Variants in POLA1 observed in about 807,000 individuals in gnomAD.
The protein encoded by POLA1 is DNA polymerase alpha catalytic subunit.
POLA1 carries 15 observed loss-of-function variants against 124.0 expected under a neutral mutation model. The observed-to-expected ratio is 0.12, with a 90% CI of 0.08 to 0.19. The LOEUF (loss-of-function observed/expected upper bound fraction) is 0.19. Ranked by LOEUF, POLA1 falls within the 10% of genes least tolerant of loss-of-function variation. POLA1 has a pLI of 1.00. For synonymous variants in POLA1, 408 were observed against 389.4 expected (o/e 1.05, Z -0.56); for missense variants, 886 against 1,103.4 (o/e 0.80, Z 2.79).
At chrX:24,950,629 C>T (rs2048024049) in intron 36 of POLA1, among the ~76,000 whole-genome samples, 2 of 111,961 alleles carry the variant, frequency 1.8e-5, no homozygotes, top group Admixed American at 1.9e-4. Context: ...GATTGCCTTC[C>T]ATAAAGATTT....
intron 31 of POLA1, among the ~76,000 whole-genome samples, chrX:24,823,731 T>C (rs2046127823): frequency 8.9e-6 from 1 of 112,457 alleles, no homozygotes; most frequent in Non-Finnish European, 1.9e-5. Context: ...AAGAGGACTG[T>C]TTGCTGCCTT....
intron 32 of POLA1, among the ~76,000 whole-genome samples, chrX:24,840,034 A>G: frequency 8.9e-6 from 1 of 112,303 alleles, no homozygotes; most frequent in Non-Finnish European, 1.9e-5. Context: ...GGTAACTTGT[A>G]AAATAAGAAT....
chrX:24,873,803 A>T (rs968526354), intron 34 of POLA1, among the ~76,000 whole-genome samples: 9 of 112,085 alleles, frequency 8.0e-5, no homozygotes, highest in Non-Finnish European at 1.7e-4. Flanking sequence ...TTTAAAATTT[A>T]AAAAATTTTA....
chrX:24,696,371 C>G (rs1208469147), intron 1 of POLA1, among the ~76,000 whole-genome samples: 1 of 112,141 alleles, frequency 8.9e-6, no homozygotes, highest in Non-Finnish European at 1.9e-5. Context: ...GAGGTCATTG[C>G]CAACCACGAG....
chrX:24,746,931 G>C (rs996357349), intron 24 of POLA1, among the ~76,000 whole-genome samples: 1 of 111,665 alleles, frequency 9.0e-6, no homozygotes, highest in African/African-American at 3.3e-5. Flanking sequence ...CTTTGTAGCT[G>C]TTAATAGAAT....
chrX:24,711,898 C>A (rs1277969294), intron 4 of POLA1, among the ~76,000 whole-genome samples: 1 of 111,049 alleles, frequency 9.0e-6, no homozygotes, highest in African/African-American at 3.3e-5. Flanking sequence ...ACGCCCAGCC[C>A]ACTACACATA....
chrX:24,884,693 A>T (rs1257016401), intron 34 of POLA1, among the ~76,000 whole-genome samples: 1 of 111,833 alleles, frequency 8.9e-6, no homozygotes, highest in Non-Finnish European at 1.9e-5. Flanking sequence ...GGCTTCTAAT[A>T]TTTTTTTCAG....
intron 35 of POLA1, among the ~76,000 whole-genome samples, chrX:24,907,324 A>T (rs1199662397): frequency 9.0e-6 from 1 of 111,518 alleles, no homozygotes; most frequent in East Asian, 2.8e-4. Context: ...CAAGGAAAGA[A>T]GGACCATAGG....
intron 26 of POLA1, among the ~76,000 whole-genome samples, chrX:24,774,711 A>G (rs766571515): frequency 2.1e-4 from 24 of 112,715 alleles, no homozygotes; most frequent in South Asian, 1.5e-3. Context: ...TAGCTTCAAA[A>G]TAAAGTTAGA....
At chrX:24,928,275 T>C (rs899167382) in intron 35 of POLA1, among the ~76,000 whole-genome samples, 13 of 111,922 alleles carry the variant, frequency 1.2e-4, no homozygotes, top group African/African-American at 4.2e-4. Context: ...GACGCTTTAT[T>C]CCTTCATGTG....
At chrX:24,834,396 A>C (rs1326021065) in intron 32 of POLA1, among the ~76,000 whole-genome samples, 1 of 112,129 alleles carries the variant, frequency 8.9e-6, no homozygotes, top group Non-Finnish European at 1.9e-5. Flanking sequence ...GAAGAGGTGT[A>C]TTGTTGGTGT....
At chrX:24,941,949 A>T (rs1292805150) in intron 36 of POLA1, among the ~76,000 whole-genome samples, 1 of 112,151 alleles carries the variant, frequency 8.9e-6, no homozygotes, top group East Asian at 2.8e-4. Flanking sequence ...TTGTAATTTC[A>T]AATAGGGTCA....
At chrX:24,785,660 T>C in intron 26 of POLA1, among the ~76,000 whole-genome samples, 1 of 112,256 alleles carries the variant, frequency 8.9e-6, no homozygotes, top group Non-Finnish European at 1.9e-5. Context: ...AGGGCAACTG[T>C]TTTTTTAAAA....
intron 34 of POLA1, among the ~76,000 whole-genome samples, chrX:24,878,133 T>C (rs1017412798): frequency 1.8e-5 from 2 of 110,893 alleles, no homozygotes; most frequent in African/African-American, 3.3e-5. Context: ...ATGAAAGATA[T>C]TCAGTTTCAT....
intron 26 of POLA1, among the ~76,000 whole-genome samples, chrX:24,801,439 G>T (rs746592491): frequency 9.0e-6 from 1 of 111,698 alleles, no homozygotes; most frequent in South Asian, 3.8e-4. Context: ...CAGGCATTTC[G>T]TTAGGTTTAA....
In POLA1 at chrX:24,976,106, T is replaced by C. The variant is rs776448513; in HGVS notation, c.4262-19699T>C. ...ATTGCTTTACTTTGCACTCCTATGT[T>C]GTTTTATTTGTTTTACCTATTTAAA... On this transcript the variant is annotated intron_variant, in intron 36 of 36. Coordinates refer to ENST00000379068, the MANE Select transcript of POLA1 (RefSeq NM_001330360.2). 5.3e-5 allele frequency among the ~76,000 whole-genome samples: 6 copies of C among 112,452 alleles called. No homozygotes were observed. In the East Asian group the frequency reaches 1.4e-3, roughly 26 times the overall value.
chrX:24,696,220 G>T (rs774874050), intron 1 of POLA1, among the ~76,000 whole-genome samples: 4 of 112,403 alleles, frequency 3.6e-5, no homozygotes, highest in Non-Finnish European at 7.5e-5. Flanking sequence ...TAAGCTGCAG[G>T]AACCAACTCT....
chrX:24,806,070 T>G (rs1232104839), intron 26 of POLA1, among the ~76,000 whole-genome samples: 1 of 33,677 alleles, frequency 3.0e-5, no homozygotes, highest in African/African-American at 1.4e-4. Flanking sequence ...TTTTTTTTTT[T>G]TTTTTTTTTT....
chrX:24,951,019 G>A (rs1464101604), intron 36 of POLA1, among the ~76,000 whole-genome samples: 4 of 111,701 alleles, frequency 3.6e-5, no homozygotes, highest in African/African-American at 1.3e-4. Flanking sequence ...TAGGAGAGGA[G>A]ATTTATCTTA....
Sources: allele counts gnomAD v4.1 joint callset (sites outside exome capture counted in the v4.1 genomes callset), GRCh38; gene constraint gnomAD v4.1.1; transcripts MANE v1.5; gene names NCBI Gene and HGNC (gene_info 2026-07-23, HGNC 2026-07-21).